The following DARS1 variants were observed in gnomAD, a reference collection of about 807,000 sequenced individuals.
The protein encoded by DARS1 is aspartate--tRNA ligase, cytoplasmic.
In DARS1, 51 loss-of-function variants were observed where a neutral mutation model predicts 68.8. That is an observed-to-expected ratio of 0.74 (90% CI 0.59 to 0.94). DARS1 has a LOEUF of 0.94. Among genes scored for constraint, DARS1 ranks in the 40% least tolerant of loss-of-function variants. DARS1 has a pLI of 0.00. For missense variants in DARS1, 607 were observed against 597.3 expected (o/e 1.02, Z -0.17); for synonymous variants, 203 against 190.4 (o/e 1.07, Z -0.55).
chr2:135,959,328 T>C (rs989196941), intron 4 of DARS1, among the ~76,000 whole-genome samples: 2 of 131,092 alleles, frequency 1.5e-5, no homozygotes, highest in African/African-American at 5.9e-5. Flanking sequence ...GGGTAGGAGG[T>C]TGCGATGAGC....
intron 5 of DARS1, among the ~76,000 whole-genome samples, chr2:135,939,338 A>C (rs1391443463): frequency 1.3e-5 from 2 of 152,198 alleles, no homozygotes; most frequent in African/African-American, 4.8e-5. Context: ...TCAAACTAGA[A>C]CTCAGGATTA....
At chr2:135,979,613 A>G (rs1682578249) in intron 2 of DARS1, among the ~76,000 whole-genome samples, 1 of 152,172 alleles carries the variant, frequency 6.6e-6, no homozygotes, top group African/African-American at 2.4e-5. Context: ...CTGCCGCCAT[A>G]CTAAACCAAG....
intron 1 of DARS1, 70 bp downstream of exon 1, chr2:135,985,333 C>G: frequency 6.4e-7 from 1 of 1,564,688 alleles, no homozygotes; most frequent in Non-Finnish European, 8.6e-7. Flanking sequence ...CCCACTCCCC[C>G]TCCTCCCTCC....
At chr2:135,953,900 ATTTT>A (rs1000387193) in intron 4 of DARS1, among the ~76,000 whole-genome samples, 6 of 151,354 alleles carry the variant, frequency 4.0e-5, no homozygotes, top group African/African-American at 1.5e-4. Context: ...CTTTTTATTT[ATTTT>A]TAATTTTTAT....
Position 135,956,278 on chromosome 2 carries a change from G to A in DARS1, c.320+5118C>T, listed in dbSNP as rs551475006. On this transcript the variant is annotated intron_variant, in intron 4 of 15. Coordinates refer to ENST00000264161, the MANE Select transcript of DARS1 (RefSeq NM_001349.4). ...GAACTAGGCTTAACTTTGAATACAC[G>A]ATTGGCAAGTGGAAACTTAGACCCA... Among the ~76,000 whole-genome samples, 189 of 152,280 alleles carry A rather than the reference G, an allele frequency of 1.2e-3. 1 individual carries two copies. The highest frequency in any genetic ancestry group is 4.3e-3 in the African/African-American group (179 of 41,566).
intron 2 of DARS1, among the ~76,000 whole-genome samples, chr2:135,982,599 A>G (rs910733624): frequency 4.7e-5 from 7 of 147,392 alleles, no homozygotes; most frequent in Admixed American, 3.4e-4. Context: ...CTGTCTCCCA[A>G]AAAAAAAAAA....
At position 135,933,998 on chromosome 2, in the gene DARS1, T is replaced by G; in HGVS notation, c.424-8A>C. 1 of 1,609,640 alleles carries G rather than the reference T, an allele frequency of 6.2e-7. No individual in the cohort carries two copies. Among genetic ancestry groups the G allele is most frequent in the Non-Finnish European group, 8.5e-7 (1 of 1,177,068 alleles). On this transcript the variant is annotated splice_polypyrimidine_tract_variant and splice_region_variant and intron_variant, in intron 5 of 15. Coordinates refer to ENST00000264161, the MANE Select transcript of DARS1 (RefSeq NM_001349.4). ...CAAACTGATCACATAAATCTGTAAG[T>G]GAGAGATTACCAAAAATAGTAGAAA...
chr2:135,912,520 CT>C lies in DARS1; in HGVS notation c.1195del (p.Arg399AspfsTer22). On this transcript the variant is annotated frameshift_variant, in exon 13 of 16. Coordinates refer to ENST00000264161, the MANE Select transcript of DARS1 (RefSeq NM_001349.4). LOFTEE classifies it high-confidence loss of function. ...TGGGTCAGGCATGGTATAGAAAGGT[CT>C]TACAGCCAATGGATATTTATCAAGA... ...YILDKYPLAV[R>X]PFYTMPDPRN... The C allele has an allele frequency of 2.7e-6, 3 of 1,129,170 alleles. No individual in the cohort carries two copies. Among genetic ancestry groups the C allele is most frequent in the African/African-American group, 3.1e-5 (2 of 64,786 alleles). The allele number at this position is 1,129,170 out of a possible 1,614,324, so 69.9% of individuals were successfully genotyped here.
At chr2:135,909,930 G>A (rs1680862568) in intron 15 of DARS1, among the ~76,000 whole-genome samples, 1 of 152,080 alleles carries the variant, frequency 6.6e-6, no homozygotes, top group Non-Finnish European at 1.5e-5. Context: ...CAGATTTCTA[G>A]ATTTGGCATG....
intron 7 of DARS1, among the ~76,000 whole-genome samples, chr2:135,925,160 T>C (rs1681187108): frequency 6.6e-6 from 1 of 152,124 alleles, no homozygotes; most frequent in African/African-American, 2.4e-5. Context: ...CCTATTTACT[T>C]TTAGCCTCAA....
intron 4 of DARS1, among the ~76,000 whole-genome samples, chr2:135,959,758 C>G (rs1682061384): frequency 6.6e-6 from 1 of 152,138 alleles, no homozygotes; most frequent in Non-Finnish European, 1.5e-5. Context: ...TTATGGGTAA[C>G]TGGGATTTTC....
intron 15 of DARS1, among the ~76,000 whole-genome samples, chr2:135,908,279 T>G (rs1680828323): frequency 1.3e-5 from 2 of 152,270 alleles, no homozygotes; most frequent in South Asian, 4.1e-4. Flanking sequence ...TCCTCCAATT[T>G]AAAAAACAGC....
rs1215170834 is a variant in DARS1 at position 135,906,892 on chromosome 2, C to T, written c.*424G>A. 1 of 152,550 alleles carries T rather than the reference C, an allele frequency of 6.6e-6. No homozygotes were observed. The highest frequency in any genetic ancestry group is 1.5e-5 in the Non-Finnish European group (1 of 68,136). 9.4% of individuals were successfully genotyped at this position (152,550 alleles called of 1,614,324 possible). A position where few individuals can be genotyped will look rare whatever the true frequency, so the allele number is the denominator to read the frequency against. On this transcript the variant is annotated 3_prime_UTR_variant, in exon 16 of 16. Transcript: ENST00000264161. ...ACCTGAATTATTCTTATCTCAATGA[C>T]AGAATTTAAAAAAATAAGTTCAAAT...
At chr2:135,914,264 A>G (rs967659521) in intron 12 of DARS1, among the ~76,000 whole-genome samples, 1 of 152,250 alleles carries the variant, frequency 6.6e-6, no homozygotes, top group African/African-American at 2.4e-5. Context: ...ATACTGAGTT[A>G]ATCAGATCAT....
At chr2:135,923,659 A>G (rs1192286562) in intron 8 of DARS1, among the ~76,000 whole-genome samples, 1 of 152,194 alleles carries the variant, frequency 6.6e-6, no homozygotes, top group Non-Finnish European at 1.5e-5. Flanking sequence ...TGCCATTTGT[A>G]ACACACTTTC....
chr2:135,978,226 G>A (rs1682545650), intron 3 of DARS1, among the ~76,000 whole-genome samples: 4 of 148,300 alleles, frequency 2.7e-5, no homozygotes, highest in African/African-American at 1.0e-4. Flanking sequence ...TACTATAGAA[G>A]CAAAGTAGAA....
Position 135,906,569 on chromosome 2 carries a change from CAT to C in DARS1, c.*745_*746del, listed in dbSNP as rs1444504812. 5 of 152,108 alleles carry C rather than the reference CAT, an allele frequency of 3.3e-5. No homozygotes were observed. Among genetic ancestry groups the C allele is most frequent in the African/African-American group, 1.2e-4 (5 of 41,434 alleles). The allele number at this position is 152,108 out of a possible 1,614,324, so 9.4% of individuals were successfully genotyped here. Reference sequence around the variant, plus strand: ...TCCTGAAATGAATACATGTTGACAACATATTAGTCTTTATTTATATAAACTAG... The same window carrying C: ...TCCTGAAATGAATACATGTTGACAACATTAGTCTTTATTTATATAAACTAG... On this transcript the variant is annotated 3_prime_UTR_variant, in exon 16 of 16. Transcript: ENST00000264161.
At chr2:135,964,229 A>C (rs1474549666) in intron 3 of DARS1, among the ~76,000 whole-genome samples, 2 of 152,358 alleles carry the variant, frequency 1.3e-5, no homozygotes, top group Non-Finnish European at 2.9e-5. Flanking sequence ...GGGGAAAAAA[A>C]CCACCAAAAT....
In DARS1 at chr2:135,971,741, A is replaced by G. The variant is rs79139071; in HGVS notation, c.217+7533T>C. Among the ~76,000 whole-genome samples, 12 of 152,330 alleles carry G rather than the reference A, an allele frequency of 7.9e-5. No homozygotes were observed. In the East Asian group the frequency reaches 2.3e-3, roughly 29 times the overall value. On this transcript the variant is annotated intron_variant, in intron 3 of 15. Coordinates refer to ENST00000264161, the MANE Select transcript of DARS1 (RefSeq NM_001349.4). Reference sequence around the variant, plus strand: ...AGAACGGATAAATTCAGTAATCAGTAAAGTTGAAGGATACAAAATCAACAT... The same window carrying G: ...AGAACGGATAAATTCAGTAATCAGTGAAGTTGAAGGATACAAAATCAACAT...
Sources: allele counts gnomAD v4.1 joint callset (sites outside exome capture counted in the v4.1 genomes callset), GRCh38; gene constraint gnomAD v4.1.1; transcripts MANE v1.5; gene names NCBI Gene and HGNC (gene_info 2026-07-23, HGNC 2026-07-21).